Variants in PTPRT observed in about 807,000 individuals in gnomAD.
PTPRT encodes receptor-type tyrosine-protein phosphatase T.
In PTPRT, 56 loss-of-function variants were observed where a neutral mutation model predicts 176.8. That is an observed-to-expected ratio of 0.32 (90% CI 0.26 to 0.40). The LOEUF (loss-of-function observed/expected upper bound fraction) is 0.40, where lower values mean the gene tolerates loss of function less well. PTPRT is among the 10% of genes least tolerant of loss of function. PTPRT has a pLI of 1.00. For synonymous variants in PTPRT, 783 were observed against 739.0 expected, an observed-to-expected ratio of 1.06 and a Z score of -0.96; for missense variants, 1,540 against 1,908.2, an observed-to-expected ratio of 0.81 and a Z score of 3.60.
chr20:43,138,030 C>G (rs971125839), intron 1 of PTPRT, among the ~76,000 whole-genome samples: 2 of 152,174 alleles, frequency 1.3e-5, no homozygotes, highest in Non-Finnish European at 2.9e-5. Context: ...AATTTCTCAG[C>G]CCGTGGCTCC....
At chr20:42,650,376 T>G (rs753042493) in intron 7 of PTPRT, among the ~76,000 whole-genome samples, 1 of 152,132 alleles carries the variant, frequency 6.6e-6, no homozygotes, top group South Asian at 2.1e-4. Flanking sequence ...TCAAGCAATC[T>G]CACACACATA....
chr20:42,200,629 A>C (rs1051988912), intron 15 of PTPRT, among the ~76,000 whole-genome samples: 4 of 152,356 alleles, frequency 2.6e-5, no homozygotes, highest in Middle Eastern at 3.4e-3. Flanking sequence ...CAGATATATC[A>C]TTAGAGATAC....
chr20:42,259,063 C>G (rs896996289), intron 13 of PTPRT, among the ~76,000 whole-genome samples: 1 of 152,230 alleles, frequency 6.6e-6, no homozygotes, highest in African/African-American at 2.4e-5. Flanking sequence ...GGTTAGCACC[C>G]TGTGAGACAG....
At chr20:42,697,253 T>C (rs895067658) in intron 6 of PTPRT, among the ~76,000 whole-genome samples, 1 of 152,224 alleles carries the variant, frequency 6.6e-6, no homozygotes, top group Non-Finnish European at 1.5e-5. Context: ...TGGCTGAATC[T>C]GTTTCAGATA....
intron 1 of PTPRT, among the ~76,000 whole-genome samples, chr20:43,049,712 G>A (rs1490388059): frequency 6.6e-6 from 1 of 152,120 alleles, no homozygotes; most frequent in Non-Finnish European, 1.5e-5. Flanking sequence ...AAATCACTCC[G>A]ACAAATAAGC....
At chr20:42,824,252 T>C (rs1438118317) in intron 2 of PTPRT, among the ~76,000 whole-genome samples, 1 of 152,170 alleles carries the variant, frequency 6.6e-6, no homozygotes, top group African/African-American at 2.4e-5. Flanking sequence ...TTTCTGGAAC[T>C]TGGCAAAATA....
intron 6 of PTPRT, chr20:42,686,103 C>T (rs2075686315): frequency 6.6e-6 from 1 of 152,258 alleles, no homozygotes; most frequent in Non-Finnish European, 1.5e-5. Flanking sequence ...CTAATCATTG[C>T]AACCACACAG....
intron 2 of PTPRT, among the ~76,000 whole-genome samples, chr20:42,857,098 T>C (rs1357432187): frequency 6.6e-6 from 1 of 152,250 alleles, no homozygotes; most frequent in African/African-American, 2.4e-5. Context: ...GCTGCACCAT[T>C]TGGCATTCCC....
At chr20:42,834,827 G>A (rs2078153714) in intron 2 of PTPRT, among the ~76,000 whole-genome samples, 1 of 151,978 alleles carries the variant, frequency 6.6e-6, no homozygotes, top group Non-Finnish European at 1.5e-5. Context: ...ACCAAAAGGA[G>A]GGAAAGTTAC....
At chr20:42,363,042 T>C (rs1432990155) in intron 9 of PTPRT, among the ~76,000 whole-genome samples, 2 of 127,006 alleles carry the variant, frequency 1.6e-5, no homozygotes, top group Admixed American at 1.0e-4. Flanking sequence ...AGGCAGAGAC[T>C]GCAGTGAGCT....
Position 42,885,775 on chromosome 20 carries a change from C to A in PTPRT, c.214+32G>T, listed in dbSNP as rs1257698952. ...ATTCACGGTAAAAACTAGCCATCCC[C>A]ATTACAGCCCCAAACATGATGGATC... On this transcript the variant is annotated intron_variant, in intron 2 of 30. Transcript: ENST00000373187. 8 of 1,587,402 alleles carry A rather than the reference C, an allele frequency of 5.0e-6. No individual in the cohort carries two copies. The South Asian group carries it at 8.9e-5, about 18-fold the overall frequency.
Position 42,993,481 on chromosome 20 carries a change from T to C in PTPRT, c.89-107549A>G, listed in dbSNP as rs866337659. Among the ~76,000 whole-genome samples the C allele has an allele frequency of 2.1e-4, 24 of 112,234 alleles. 5 individuals are homozygous for C. The highest frequency in any genetic ancestry group is 2.1e-3 in the South Asian group (9 of 4,286). The allele number at this position is 112,234 out of a possible 152,430, so 73.6% of individuals were successfully genotyped here. ...ATGTGTGTGTATATATATACACATA[T>C]ATGTGTGTGTATATATATACACATA... On this transcript the variant is annotated intron_variant, in intron 1 of 30. Transcript: ENST00000373187.
intron 1 of PTPRT, among the ~76,000 whole-genome samples, chr20:43,048,939 C>T (rs1279019827): frequency 6.6e-6 from 1 of 152,164 alleles, no homozygotes; most frequent in East Asian, 1.9e-4. Context: ...CACATCTGCC[C>T]TGCTCTTCCC....
At chr20:43,020,187 T>G (rs1985602459) in intron 1 of PTPRT, among the ~76,000 whole-genome samples, 1 of 147,154 alleles carries the variant, frequency 6.8e-6, no homozygotes, top group South Asian at 2.1e-4. Context: ...ATTACATATA[T>G]AAGTAATATG....
At chr20:42,686,072 A>AC (rs2075685922) in intron 6 of PTPRT, 1 of 152,208 alleles carries the variant, frequency 6.6e-6, no homozygotes, top group Admixed American at 6.5e-5. Flanking sequence ...GAGTTTTGAC[A>AC]CTTGACTTTC....
At chr20:42,693,904 G>A (rs1202173117) in intron 6 of PTPRT, among the ~76,000 whole-genome samples, 3 of 151,880 alleles carry the variant, frequency 2.0e-5, no homozygotes, top group African/African-American at 7.3e-5. Context: ...TCATCCCTGG[G>A]AACCACCAAT....
At chr20:42,285,512 A>C (rs147385044) in intron 12 of PTPRT, among the ~76,000 whole-genome samples, 1 of 152,008 alleles carries the variant, frequency 6.6e-6, no homozygotes, top group Admixed American at 6.6e-5. Flanking sequence ...ACATCTAAGA[A>C]TCTTTTCTCA....
intron 7 of PTPRT, among the ~76,000 whole-genome samples, chr20:42,501,108 C>T (rs961066137): frequency 5.3e-5 from 8 of 152,140 alleles, no homozygotes; most frequent in Non-Finnish European, 1.2e-4. Context: ...TCACGCCTTT[C>T]CCCGTCACTA....
chr20:42,587,705 G>A (rs897852195), intron 7 of PTPRT, among the ~76,000 whole-genome samples: 5 of 152,130 alleles, frequency 3.3e-5, no homozygotes, highest in East Asian at 1.9e-4. Flanking sequence ...CTTCAAATGC[G>A]GTCACACAGG....
Sources: gnomAD v4.1 joint callset for allele counts (sites outside exome capture counted in the v4.1 genomes callset) on GRCh38, gnomAD v4.1.1 for gene constraint, MANE v1.5 for transcripts, NCBI Gene and HGNC (gene_info 2026-07-23, HGNC 2026-07-21) for gene names.